The following TPRG1 variants were observed in gnomAD, a reference collection of about 807,000 sequenced individuals.
The protein encoded by TPRG1 is tumor protein p63 regulated 1.
In TPRG1, 29 loss-of-function variants were observed where a neutral mutation model predicts 29.3. The observed-to-expected ratio is 0.99, with a 90% CI of 0.74 to 1.35. The LOEUF (loss-of-function observed/expected upper bound fraction) is 1.35. TPRG1 is among the 40% of genes most tolerant of loss of function. The pLI is 0.00. For synonymous variants in TPRG1, 130 were observed against 116.8 expected (o/e 1.11, Z -0.73); for missense variants, 327 against 335.0 (o/e 0.98, Z 0.19).
intron 4 of TPRG1, among the ~76,000 whole-genome samples, chr3:189,282,233 G>T (rs78986567): frequency 2.2e-5 from 1 of 45,562 alleles, no homozygotes; most frequent in Admixed American, 1.9e-4. Flanking sequence ...AAAAAAAAAA[G>T]GCAGCAGCAT....
intron 4 of TPRG1, among the ~76,000 whole-genome samples, chr3:189,085,447 A>ATGTG (rs55935182): frequency 4.1e-4 from 50 of 121,932 alleles, no homozygotes; most frequent in Middle Eastern, 4.2e-3. Flanking sequence ...GTGTGTGTGC[A>ATGTG]TGTGTGTGTG....
rs1720077502 is a variant in TPRG1, at chr3:189,108,427, GA to G, written c.-744+8229del. On this transcript the variant is annotated intron_variant, in intron 1 of 6. Transcript: ENST00000412373. ...GTACATAATTGCCATGACAGAGGAT[GA>G]AAAAAGGAAAATGTGTAGTATGTGA... 2.0e-5 allele frequency among the ~76,000 whole-genome samples: 3 copies of G among 151,790 alleles called. No individual in the cohort carries two copies. The East Asian group carries it at 5.8e-4, about 29-fold the overall frequency.
intron 4 of TPRG1, among the ~76,000 whole-genome samples, chr3:189,060,924 C>T (rs1376795349): frequency 1.3e-5 from 2 of 152,080 alleles, no homozygotes; most frequent in African/African-American, 4.8e-5. Flanking sequence ...TGACATTCTT[C>T]ACAGAACTAG....
chr3:189,104,953 C>T (rs1207554590), intron 1 of TPRG1, among the ~76,000 whole-genome samples: 1 of 152,172 alleles, frequency 6.6e-6, no homozygotes, highest in Non-Finnish European at 1.5e-5. Context: ...TGATACAGAA[C>T]ACTTTGGCAC....
intron 4 of TPRG1, among the ~76,000 whole-genome samples, chr3:189,043,734 C>T (rs1714784032): frequency 6.6e-6 from 1 of 152,114 alleles, no homozygotes; most frequent in African/African-American, 2.4e-5. Context: ...GGCACGGTGA[C>T]ATTGGCATTT....
chr3:189,220,217 A>G (rs1014662646), intron 3 of TPRG1, among the ~76,000 whole-genome samples: 4 of 152,108 alleles, frequency 2.6e-5, no homozygotes, highest in African/African-American at 9.7e-5. Context: ...CCCATTTAAT[A>G]GGTCCTTTAG....
intron 4 of TPRG1, among the ~76,000 whole-genome samples, chr3:189,300,717 G>A (rs770139510): frequency 6.6e-6 from 1 of 152,156 alleles, no homozygotes; most frequent in Non-Finnish European, 1.5e-5. Flanking sequence ...ACATATTCCT[G>A]GTCCAGACCT....
At chr3:189,296,970 C>A (rs890371569) in intron 4 of TPRG1, among the ~76,000 whole-genome samples, 5 of 146,932 alleles carry the variant, frequency 3.4e-5, no homozygotes, top group African/African-American at 1.0e-4. Context: ...ACTGATAAAC[C>A]CTCTTCTTCT....
intron 4 of TPRG1, among the ~76,000 whole-genome samples, chr3:189,264,635 G>GT (rs200818230): frequency 0.018 from 2,710 of 151,836 alleles, 36 homozygotes; most frequent in Admixed American, 0.039. Context: ...GACTACTAGA[G>GT]TTTTTTTTCC....
intron 4 of TPRG1, among the ~76,000 whole-genome samples, chr3:189,064,528 A>G (rs1716312704): frequency 6.6e-6 from 1 of 152,230 alleles, no homozygotes; most frequent in Admixed American, 6.5e-5. Context: ...AATAAGAAAG[A>G]TTATAGCAGA....
At chr3:189,256,755 T>C (rs1184704516) in intron 4 of TPRG1, among the ~76,000 whole-genome samples, 1 of 152,236 alleles carries the variant, frequency 6.6e-6, no homozygotes, top group Non-Finnish European at 1.5e-5. Flanking sequence ...TTTACCATTA[T>C]GTAATGCCCT....
chr3:189,024,560 G>C (rs1359805839), intron 4 of TPRG1, among the ~76,000 whole-genome samples: 1 of 152,186 alleles, frequency 6.6e-6, no homozygotes, highest in African/African-American at 2.4e-5. Flanking sequence ...TGAAGCAGCT[G>C]TGCTGTGCTG....
intron 4 of TPRG1, among the ~76,000 whole-genome samples, chr3:189,030,463 T>C (rs997107842): frequency 6.6e-6 from 1 of 152,224 alleles, no homozygotes; most frequent in Non-Finnish European, 1.5e-5. Context: ...TTCTAATTAA[T>C]CTGCATTAAA....
At chr3:189,013,048 C>G (rs1712685429) in intron 3 of TPRG1, among the ~76,000 whole-genome samples, 1 of 86,884 alleles carries the variant, frequency 1.2e-5, no homozygotes. Context: ...TTGGTTATTT[C>G]TTGCCTTCTG....
chr3:189,264,669 A>C (rs1033222275), intron 4 of TPRG1, among the ~76,000 whole-genome samples: 1 of 152,212 alleles, frequency 6.6e-6, no homozygotes, highest in Non-Finnish European at 1.5e-5. Flanking sequence ...TTTCACCAAA[A>C]AGATTTTTTA....
chr3:189,251,289 G>C (rs995288556), intron 4 of TPRG1, among the ~76,000 whole-genome samples: 1 of 152,110 alleles, frequency 6.6e-6, no homozygotes, highest in Admixed American at 6.6e-5. Context: ...TTTGCCTTTG[G>C]CTTAATATGA....
chr3:189,250,937 C>T (rs538746513), intron 4 of TPRG1, among the ~76,000 whole-genome samples: 81 of 152,140 alleles, frequency 5.3e-4, no homozygotes, highest in African/African-American at 1.9e-3. Flanking sequence ...TTCAGGGATT[C>T]ATGCATCATG....
intron 4 of TPRG1, among the ~76,000 whole-genome samples, chr3:189,288,597 C>T (rs1718471271): frequency 6.6e-6 from 1 of 152,208 alleles, no homozygotes; most frequent in Non-Finnish European, 1.5e-5. Flanking sequence ...ACCTTTGATT[C>T]CGCTTTCCAA....
chr3:189,059,522 G>A lies in TPRG1; in HGVS notation c.-463+35576G>A, dbSNP rs182041601. Among the ~76,000 whole-genome samples the A allele has an allele frequency of 4.4e-3, 672 of 152,162 alleles. 2 individuals carry two copies. Among genetic ancestry groups the A allele is most frequent in the Non-Finnish European group, 7.4e-3 (506 of 68,028 alleles). On this transcript the variant is annotated intron_variant, in intron 4 of 10. Coordinates refer to the TPRG1 transcript ENST00000433971. ...CAAGAGAACCGCTTGAACCCAAGAGGTGGAGGTTGCAGTGAGCTGAGATCG... is the reference window on the plus strand; with the variant it reads ...CAAGAGAACCGCTTGAACCCAAGAGATGGAGGTTGCAGTGAGCTGAGATCG...
Sources: gnomAD v4.1 joint callset for allele counts (sites outside exome capture counted in the v4.1 genomes callset) on GRCh38, gnomAD v4.1.1 for gene constraint, MANE v1.5 for transcripts, NCBI Gene and HGNC (gene_info 2026-07-23, HGNC 2026-07-21) for gene names.